The following SEMA3C variants were observed in gnomAD, a reference collection of about 807,000 sequenced individuals.
SEMA3C encodes semaphorin 3C, also known as semaphorin-3C.
In SEMA3C, 47 loss-of-function variants were observed where a neutral mutation model predicts 89.4. The ratio of observed to expected loss-of-function variants is 0.53; its 90% CI spans 0.42 to 0.67. The LOEUF (loss-of-function observed/expected upper bound fraction) is 0.67, where lower values mean the gene tolerates loss of function less well. Among genes scored for constraint, SEMA3C ranks in the 30% least tolerant of loss-of-function variants. SEMA3C has a pLI of 0.00. For missense variants in SEMA3C, 839 were observed against 929.1 expected, an observed-to-expected ratio of 0.90 and a Z score of 1.26; for synonymous variants, 310 against 320.2, an observed-to-expected ratio of 0.97 and a Z score of 0.34.
At chr7:80,856,051 A>G (rs976658828) in intron 2 of SEMA3C, among the ~76,000 whole-genome samples, 1 of 152,180 alleles carries the variant, frequency 6.6e-6, no homozygotes. Flanking sequence ...ATCGTTTTTA[A>G]TAGTATTTCA....
At chr7:80,855,682 C>G (rs1023162864) in intron 2 of SEMA3C, among the ~76,000 whole-genome samples, 1 of 152,166 alleles carries the variant, frequency 6.6e-6, no homozygotes, top group Non-Finnish European at 1.5e-5. Context: ...AGTTCAGAAT[C>G]TCTCTTCTGA....
chr7:80,771,208 C>T (rs1788424698), intron 12 of SEMA3C, among the ~76,000 whole-genome samples: 1 of 152,176 alleles, frequency 6.6e-6, no homozygotes, highest in Non-Finnish European at 1.5e-5. Flanking sequence ...TTAGCTCCAT[C>T]GCTGAGTACA....
intron 5 of SEMA3C, among the ~76,000 whole-genome samples, chr7:80,814,706 T>C (rs1275969980): frequency 1.3e-5 from 2 of 152,134 alleles, no homozygotes; most frequent in Non-Finnish European, 2.9e-5. Context: ...TCATCTCAGT[T>C]CATGGCAACT....
intron 12 of SEMA3C, among the ~76,000 whole-genome samples, chr7:80,786,651 G>A (rs1788810527): frequency 6.6e-6 from 1 of 152,170 alleles, no homozygotes; most frequent in Admixed American, 6.5e-5. Flanking sequence ...TATCTGTAGA[G>A]AACAAACTTT....
At chr7:80,890,826 A>G (rs570519142) in intron 2 of SEMA3C, among the ~76,000 whole-genome samples, 1 of 152,330 alleles carries the variant, frequency 6.6e-6, no homozygotes, top group East Asian at 1.9e-4. Flanking sequence ...GCTGTGCCTT[A>G]AACTGATGCA....
intron 2 of SEMA3C, among the ~76,000 whole-genome samples, chr7:80,844,401 G>A (rs554690546): frequency 6.6e-6 from 1 of 152,128 alleles, no homozygotes; most frequent in South Asian, 2.1e-4. Flanking sequence ...CCTCATTACA[G>A]TCCTACCTGG....
chr7:80,751,372 T>C, intron 15 of SEMA3C, 36 bp from the exon 16 acceptor site: 1 of 1,556,888 alleles, frequency 6.4e-7, no homozygotes, highest in Admixed American at 1.7e-5. Context: ...TGACTGAGAA[T>C]TATCACTGCC....
intron 2 of SEMA3C, among the ~76,000 whole-genome samples, chr7:80,893,139 T>C (rs1187013711): frequency 6.6e-6 from 1 of 152,182 alleles, no homozygotes; most frequent in Non-Finnish European, 1.5e-5. Context: ...CATTAGCTTA[T>C]TTATATTGCT....
intron 2 of SEMA3C, among the ~76,000 whole-genome samples, chr7:80,855,929 C>T (rs1488780469): frequency 6.6e-6 from 1 of 152,018 alleles, no homozygotes; most frequent in African/African-American, 2.4e-5. Context: ...TAACTAGACT[C>T]GGCAAGGAGT....
chr7:80,768,952 T>C (rs17154422), intron 12 of SEMA3C, among the ~76,000 whole-genome samples: 1 of 152,260 alleles, frequency 6.6e-6, no homozygotes, highest in Admixed American at 6.5e-5. Context: ...AGCATTTTTT[T>C]AACAAGTCTT....
rs372845076 is a variant in SEMA3C at position 80,867,308 on chromosome 7, CCA to C, written c.104-38565_104-38564del. Among the ~76,000 whole-genome samples the C allele has an allele frequency of 2.2e-4, 33 of 151,774 alleles. No individual in the cohort carries two copies. In the East Asian group the frequency reaches 6.0e-3, roughly 28 times the overall value. On this transcript the variant is annotated intron_variant, in intron 2 of 17. Coordinates refer to ENST00000265361, the MANE Select transcript of SEMA3C (RefSeq NM_006379.5). ...TAGAGACAGGATCTTGCTATACTGC[CCA>C]GACTGGTCTAGAACTCCTGACCTAA...
chr7:80,867,667 T>C (rs961014898), intron 2 of SEMA3C, among the ~76,000 whole-genome samples: 6 of 152,124 alleles, frequency 3.9e-5, no homozygotes, highest in Non-Finnish European at 8.8e-5. Flanking sequence ...TGGTATCATA[T>C]AATGCTGGGT....
chr7:80,771,188 T>C (rs1364262651), intron 12 of SEMA3C, among the ~76,000 whole-genome samples: 2 of 152,236 alleles, frequency 1.3e-5, no homozygotes, highest in Non-Finnish European at 2.9e-5. Flanking sequence ...ATGGAAGTTA[T>C]GTTTTAGTTT....
intron 2 of SEMA3C, among the ~76,000 whole-genome samples, chr7:80,846,516 C>G (rs1167930317): frequency 6.6e-6 from 1 of 152,136 alleles, no homozygotes; most frequent in Non-Finnish European, 1.5e-5. Context: ...AACACCATGC[C>G]TGGCCAATTT....
chr7:80,838,287 C>CA (rs772286767), intron 2 of SEMA3C, among the ~76,000 whole-genome samples: 38 of 151,902 alleles, frequency 2.5e-4, no homozygotes, highest in Non-Finnish European at 4.9e-4. Flanking sequence ...CCTGCATCTA[C>CA]AATATAAAAA....
At chr7:80,800,208 C>T (rs963020543) in intron 10 of SEMA3C, among the ~76,000 whole-genome samples, 3 of 151,046 alleles carry the variant, frequency 2.0e-5, no homozygotes, top group Admixed American at 6.6e-5. Context: ...TTTGTCAGGT[C>T]CTAAATAGTC....
At chr7:80,832,766 G>A (rs116363814) in intron 2 of SEMA3C, among the ~76,000 whole-genome samples, 3,485 of 152,246 alleles carry the variant, frequency 0.023, 89 homozygotes, top group Admixed American at 0.073. Context: ...AGAAATCATT[G>A]AGTTACTGAA....
chr7:80,842,089 G>A (rs75321048), intron 2 of SEMA3C, among the ~76,000 whole-genome samples: 5 of 152,212 alleles, frequency 3.3e-5, no homozygotes, highest in East Asian at 3.9e-4. Flanking sequence ...AGTGCTCAGC[G>A]GCTGGAGCAG....
intron 12 of SEMA3C, among the ~76,000 whole-genome samples, chr7:80,777,992 A>G (rs972852983): frequency 2.2e-4 from 34 of 152,280 alleles, no homozygotes; most frequent in Admixed American, 8.5e-4. Context: ...AATATCTGCT[A>G]TATCTAATGT....
Sources: allele counts gnomAD v4.1 joint callset (sites outside exome capture counted in the v4.1 genomes callset), GRCh38; gene constraint gnomAD v4.1.1; transcripts MANE v1.5; gene names NCBI Gene and HGNC (gene_info 2026-07-23, HGNC 2026-07-21).